CHST11: variants seen among roughly 807,000 people sequenced by gnomAD.
The protein encoded by CHST11 is C4S-1.
In CHST11, 9 loss-of-function variants were observed where a neutral mutation model predicts 30.4. The ratio of observed to expected loss-of-function variants is 0.30; its 90% CI spans 0.18 to 0.52. The LOEUF (loss-of-function observed/expected upper bound fraction) is 0.52, where lower values mean the gene tolerates loss of function less well. CHST11 is among the 20% of genes least tolerant of loss of function. The pLI is 0.97. For missense variants in CHST11, 348 were observed against 460.6 expected (o/e 0.76, Z 2.24); for synonymous variants, 152 against 187.8 (o/e 0.81, Z 1.56).
Position 104,761,011 on chromosome 12 carries a change from A to C in CHST11, c.*3208A>C, listed in dbSNP as rs989862228. ...CTTCTCAAAGGTGCTGCTGTGTTTT[A>C]AAGACCAGGTACAGCCAGGGCAGTA... On this transcript the variant is annotated 3_prime_UTR_variant, in exon 3 of 3. Transcript: ENST00000303694. 4 of 152,226 alleles carry C rather than the reference A, an allele frequency of 2.6e-5. No individual in the cohort carries two copies. Among genetic ancestry groups the C allele is most frequent in the Non-Finnish European group, 1.5e-5 (1 of 68,066 alleles). The allele number at this position is 152,226 out of a possible 1,614,324, so 9.4% of individuals were successfully genotyped here.
At position 104,585,785 on chromosome 12, in the gene CHST11, C is replaced by T. The variant is rs137912509; in HGVS notation, c.119-16121C>T. Among the ~76,000 whole-genome samples, 90 of 152,288 alleles carry T rather than the reference C, an allele frequency of 5.9e-4. No individual in the cohort carries two copies. The East Asian group carries it at 0.017, about 28-fold the overall frequency. ...TCCAAAATCAAGGTGTCAGCAGGGC[C>T]GTGTTCCCTCTGAAGGCCCTAGGGA... is the stretch of plus-strand genomic sequence containing the variant. On this transcript the variant is annotated intron_variant, in intron 1 of 2. Coordinates refer to ENST00000303694, the MANE Select transcript of CHST11 (RefSeq NM_018413.6).
chr12:104,496,909 T>C (rs556751478), intron 1 of CHST11, among the ~76,000 whole-genome samples: 2 of 152,300 alleles, frequency 1.3e-5, no homozygotes, highest in Non-Finnish European at 2.9e-5. Flanking sequence ...AGGGGCCTGC[T>C]TGACTCCCTC....
At chr12:104,482,848 G>A (rs1011502858) in intron 1 of CHST11, among the ~76,000 whole-genome samples, 3 of 152,024 alleles carry the variant, frequency 2.0e-5, no homozygotes, top group African/African-American at 7.2e-5. Context: ...TCTTAAAAAT[G>A]TCCCCACTTC....
chr12:104,737,786 G>A (rs2040313417), intron 2 of CHST11, among the ~76,000 whole-genome samples: 1 of 152,164 alleles, frequency 6.6e-6, no homozygotes, highest in African/African-American at 2.4e-5. Flanking sequence ...GTTTTGCAGG[G>A]AGGGCCTGGC....
chr12:104,644,715 C>T (rs142573832), intron 2 of CHST11, among the ~76,000 whole-genome samples: 14 of 152,356 alleles, frequency 9.2e-5, no homozygotes, highest in East Asian at 1.9e-4. Context: ...TCTCAGAGCC[C>T]GGTGGCAGAC....
chr12:104,731,740 G>GTA, intron 2 of CHST11, among the ~76,000 whole-genome samples: 1 of 152,266 alleles, frequency 6.6e-6, no homozygotes, highest in East Asian at 1.9e-4. Context: ...CCAGCACCAA[G>GTA]TAAAGGTTTC....
At chr12:104,741,649 C>T (rs1252569534) in intron 2 of CHST11, among the ~76,000 whole-genome samples, 1 of 152,188 alleles carries the variant, frequency 6.6e-6, no homozygotes, top group African/African-American at 2.4e-5. Context: ...CCGCCAATTG[C>T]CTCTATCGGT....
chr12:104,664,484 A>G (rs1048647317), intron 2 of CHST11, among the ~76,000 whole-genome samples: 3 of 152,312 alleles, frequency 2.0e-5, no homozygotes, highest in Admixed American at 1.3e-4. Flanking sequence ...AGTAAAATAT[A>G]ACACACAGCC....
intron 2 of CHST11, among the ~76,000 whole-genome samples, chr12:104,652,809 G>T (rs569521820): frequency 4.6e-5 from 7 of 152,184 alleles, no homozygotes; most frequent in Non-Finnish European, 7.3e-5. Context: ...GCTGGCCCAA[G>T]GGGCCAGTGG....
At chr12:104,610,233 G>A (rs1020957983) in intron 2 of CHST11, among the ~76,000 whole-genome samples, 1 of 152,196 alleles carries the variant, frequency 6.6e-6, no homozygotes, top group African/African-American at 2.4e-5. Context: ...TGTAATGGTT[G>A]CTAAATAAGA....
At chr12:104,646,912 T>C (rs1179991690) in intron 2 of CHST11, among the ~76,000 whole-genome samples, 2 of 152,252 alleles carry the variant, frequency 1.3e-5, no homozygotes, top group African/African-American at 4.8e-5. Flanking sequence ...GGTACCATGC[T>C]AGTTGCTGAG....
At chr12:104,627,998 A>G (rs1333726624) in intron 2 of CHST11, among the ~76,000 whole-genome samples, 1 of 152,248 alleles carries the variant, frequency 6.6e-6, no homozygotes, top group African/African-American at 2.4e-5. Context: ...CAAGGCCCAA[A>G]GAAGTTAATC....
intron 1 of CHST11, among the ~76,000 whole-genome samples, chr12:104,586,976 T>G (rs1263413208): frequency 1.3e-5 from 2 of 152,220 alleles, no homozygotes; most frequent in Middle Eastern, 3.2e-3. Flanking sequence ...AAAGTTCTTC[T>G]ACTACTGTGG....
intron 2 of CHST11, among the ~76,000 whole-genome samples, chr12:104,635,384 G>A (rs963527378): frequency 2.0e-5 from 3 of 152,210 alleles, no homozygotes; most frequent in Admixed American, 6.5e-5. Flanking sequence ...GGTGGCACAC[G>A]CCCGGGGCTT....
chr12:104,628,749 C>T (rs1240164299), intron 2 of CHST11, among the ~76,000 whole-genome samples: 2 of 152,194 alleles, frequency 1.3e-5, no homozygotes, highest in Admixed American at 6.5e-5. Context: ...TTCTGCTTCA[C>T]CTCTACTTGG....
At chr12:104,744,636 T>C (rs1051537033) in intron 2 of CHST11, among the ~76,000 whole-genome samples, 3 of 152,192 alleles carry the variant, frequency 2.0e-5, no homozygotes, top group Admixed American at 1.3e-4. Context: ...TTTTTGCTTT[T>C]GTTGCAATTG....
chr12:104,560,787 A>G (rs1392511335), intron 1 of CHST11, among the ~76,000 whole-genome samples: 1 of 152,168 alleles, frequency 6.6e-6, no homozygotes, highest in African/African-American at 2.4e-5. Context: ...AAACCCTTCT[A>G]TTAGACTGTG....
chr12:104,640,722 C>A (rs1234821156), intron 2 of CHST11, among the ~76,000 whole-genome samples: 1 of 152,140 alleles, frequency 6.6e-6, no homozygotes, highest in Non-Finnish European at 1.5e-5. Context: ...AAACTATGGA[C>A]TTCAATTAAT....
chr12:104,567,424 G>C (rs577277159), intron 1 of CHST11, among the ~76,000 whole-genome samples: 3 of 152,064 alleles, frequency 2.0e-5, no homozygotes, highest in Non-Finnish European at 4.4e-5. Flanking sequence ...GTGTTCCCTG[G>C]GTGGATGTTT....
Sources: gnomAD v4.1 joint callset for allele counts (sites outside exome capture counted in the v4.1 genomes callset) on GRCh38, gnomAD v4.1.1 for gene constraint, MANE v1.5 for transcripts, NCBI Gene and HGNC (gene_info 2026-07-23, HGNC 2026-07-21) for gene names.